Variants in ASCL5 observed in about 807,000 individuals in gnomAD.
ASCL5 encodes the protein achaete-scute homolog 5.
For missense variants in ASCL5, 262 were observed against 268.9 expected (o/e 0.97, Z 0.18); for synonymous variants, 124 against 131.5 (o/e 0.94, Z 0.39).
At chr1:201,125,283 C>T (rs1044445077) in intron 1 of ASCL5, among the ~76,000 whole-genome samples, 2 of 152,204 alleles carry the variant, frequency 1.3e-5, no homozygotes, top group Non-Finnish European at 2.9e-5. Flanking sequence ...CTCCCAGGCC[C>T]GGCATCTAGG....
chr1:201,123,064 T>C (rs1663513908), intron 1 of ASCL5, among the ~76,000 whole-genome samples: 1 of 152,194 alleles, frequency 6.6e-6, no homozygotes, highest in South Asian at 2.1e-4. Flanking sequence ...CCCTTGGATG[T>C]GGCTAAGAGA....
intron 1 of ASCL5, among the ~76,000 whole-genome samples, chr1:201,120,120 G>A (rs564107943): frequency 9.2e-5 from 14 of 152,310 alleles, no homozygotes; most frequent in African/African-American, 3.4e-4. Flanking sequence ...CAGTTAGTTT[G>A]TTTAGGGCCA....
chr1:201,117,904 T>A (rs1663377409), intron 1 of ASCL5, among the ~76,000 whole-genome samples: 1 of 152,224 alleles, frequency 6.6e-6, no homozygotes, highest in African/African-American at 2.4e-5. Flanking sequence ...TTCTCTTTTA[T>A]TGTACAAATT....
At chr1:201,120,073 T>G (rs999743533) in intron 1 of ASCL5, among the ~76,000 whole-genome samples, 3 of 152,204 alleles carry the variant, frequency 2.0e-5, no homozygotes, top group Non-Finnish European at 4.4e-5. Flanking sequence ...TACACTGAGC[T>G]GTTAGGCCTG....
At position 201,114,670 on chromosome 1, in the gene ASCL5, G is replaced by C; in HGVS notation, c.*82C>G. On this transcript the variant is annotated 3_prime_UTR_variant, in exon 2 of 2. Transcript: ENST00000449188. ...CACCGTCCTGCGGCGCATCGCGGGT[G>C]ACCCAACAGCCTCCCGCTGCTCCCG... is the stretch of plus-strand genomic sequence containing the variant. 1 of 1,174,026 alleles carries C rather than the reference G, an allele frequency of 8.5e-7. No individual in the cohort carries two copies. The highest frequency in any genetic ancestry group is 1.1e-6 in the Non-Finnish European group (1 of 937,384). The allele number at this position is 1,174,026 out of a possible 1,614,324, so 72.7% of individuals were successfully genotyped here.
Position 201,124,176 on chromosome 1 carries a change from G to C in ASCL5, c.-506+2908C>G, listed in dbSNP as rs1012127670. ...GACACAGTGAAGTCATGGTCAGAAT[G>C]AACCAGGCGGTTCTGCAGATGAAAT... is the stretch of plus-strand genomic sequence containing the variant. On this transcript the variant is annotated intron_variant, in intron 1 of 1. Transcript: ENST00000449188. Among the ~76,000 whole-genome samples the C allele has an allele frequency of 3.3e-5, 5 of 152,230 alleles. No homozygotes were observed. The East Asian group carries it at 9.6e-4, about 29-fold the overall frequency.
In ASCL5 at chr1:201,115,272, A is replaced by T. The variant is rs976237004; in HGVS notation, c.101T>A (p.Leu34Gln). The change falls in exon 2 of 2, where the codon CTG (leucine) becomes CAG (glutamine). Residue 34 changes from leucine to glutamine, a missense_variant. By Grantham distance (113) the Leu-to-Gln change is moderately radical. Transcript: ENST00000449188. ...GTTGCCCAGGGGCTCGGCGGGGGGC[A>T]GGGGCGCCTGCCGGGGAGGGGGCAT... The part of the protein sequence containing the change: ...GVMPPPRQAP[L>Q]PPAEPLGNVP... The T allele has an allele frequency of 9.3e-5, 110 of 1,181,408 alleles. No individual in the cohort carries two copies. In the Middle Eastern group the frequency reaches 1.0e-3, roughly 11 times the overall value. 73.2% of individuals were successfully genotyped at this position (1,181,408 alleles called of 1,614,324 possible). A position where few individuals can be genotyped will look rare whatever the true frequency, so the allele number is the denominator to read the frequency against.
chr1:201,122,372 T>C (rs1225507421), intron 1 of ASCL5, among the ~76,000 whole-genome samples: 1 of 152,148 alleles, frequency 6.6e-6, no homozygotes. Flanking sequence ...GCTGAGAGTC[T>C]TAAAGAAGAG....
chr1:201,116,352 G>C (rs986900326), intron 1 of ASCL5, among the ~76,000 whole-genome samples: 2 of 152,124 alleles, frequency 1.3e-5, no homozygotes, highest in African/African-American at 2.4e-5. Context: ...ATGCCTCTTT[G>C]ATAACAAGGT....
At chr1:201,116,767 C>A (rs1663356364) in intron 1 of ASCL5, among the ~76,000 whole-genome samples, 2 of 152,168 alleles carry the variant, frequency 1.3e-5, no homozygotes, top group South Asian at 4.2e-4. Context: ...CCTCTCTGAT[C>A]GCACTCCCCC....
intron 1 of ASCL5, among the ~76,000 whole-genome samples, chr1:201,122,433 T>G (rs1663501535): frequency 6.6e-6 from 1 of 152,162 alleles, no homozygotes; most frequent in Non-Finnish European, 1.5e-5. Context: ...CCTCTGATGC[T>G]TGGTGCTTTG....
chr1:201,118,604 G>T (rs1663393768), intron 1 of ASCL5, among the ~76,000 whole-genome samples: 1 of 152,174 alleles, frequency 6.6e-6, no homozygotes, highest in Non-Finnish European at 1.5e-5. Context: ...GAGGAACACA[G>T]TGTAGCATAT....
At position 201,114,498 on chromosome 1, in the gene ASCL5, G is replaced by A. The variant is rs1186641095; in HGVS notation, c.*254C>T. On this transcript the variant is annotated 3_prime_UTR_variant, in exon 2 of 2. Coordinates refer to ENST00000449188, the MANE Select transcript of ASCL5 (RefSeq NM_001270601.2). ...CCGGAGGGGACGCAGGACGCCCGGA[G>A]CAGTCCCAGGCCCTGCCCCTCGCTT... is the stretch of plus-strand genomic sequence containing the variant. 5 of 332,330 alleles carry A rather than the reference G, an allele frequency of 1.5e-5. No homozygotes were observed. The highest frequency in any genetic ancestry group is 1.1e-4 in the African/African-American group (5 of 46,750). 20.6% of individuals were successfully genotyped at this position (332,330 alleles called of 1,614,324 possible).
intron 1 of ASCL5, among the ~76,000 whole-genome samples, chr1:201,122,844 GGC>G (rs1663510727): frequency 6.6e-6 from 1 of 152,148 alleles, no homozygotes. Flanking sequence ...TGCTCTTACT[GGC>G]TAAGTAGCTT....
At position 201,115,251 on chromosome 1, in the gene ASCL5, C is replaced by T; in HGVS notation, c.122G>A (p.Gly41Asp). Residue 41 changes from glycine (G) to aspartate (D), a missense_variant, in exon 2 of 2, where the codon GGC (glycine) becomes GAC (aspartate). Coordinates refer to ENST00000449188, the MANE Select transcript of ASCL5 (RefSeq NM_001270601.2). ...QAPLPPAEPL[G>D]NVPFLLYPGP... ...CGGGTACAGCAGGAAGGGCACGTTG[C>T]CCAGGGGCTCGGCGGGGGGCAGGGG... 2 of 1,231,428 alleles carry T rather than the reference C, an allele frequency of 1.6e-6. No homozygotes were observed. Among genetic ancestry groups the T allele is most frequent in the Non-Finnish European group, 2.0e-6 (2 of 987,840 alleles). The allele number at this position is 1,231,428 out of a possible 1,614,324, so 76.3% of individuals were successfully genotyped here.
At chr1:201,126,875 G>A (rs1009707881) in intron 1 of ASCL5, among the ~76,000 whole-genome samples, 7 of 152,210 alleles carry the variant, frequency 4.6e-5, no homozygotes, top group African/African-American at 1.4e-4. Context: ...AGCTGATCTC[G>A]CCTTCTCCCA....
At chr1:201,118,699 A>T (rs1049360077) in intron 1 of ASCL5, among the ~76,000 whole-genome samples, 9 of 152,200 alleles carry the variant, frequency 5.9e-5, no homozygotes, top group African/African-American at 2.2e-4. Context: ...ACTAGGATAG[A>T]ACAGCAAACA....
At chr1:201,117,093 A>G (rs1438090692) in intron 1 of ASCL5, among the ~76,000 whole-genome samples, 3 of 152,224 alleles carry the variant, frequency 2.0e-5, no homozygotes, top group Admixed American at 6.5e-5. Context: ...GAGGACCAAG[A>G]AAAATCAACA....
At chr1:201,125,178 C>T (rs897439440) in intron 1 of ASCL5, among the ~76,000 whole-genome samples, 1 of 152,190 alleles carries the variant, frequency 6.6e-6, no homozygotes, top group African/African-American at 2.4e-5. Flanking sequence ...GCACTCACTT[C>T]CTAAGGTTAC....
Sources: allele counts gnomAD v4.1 joint callset (sites outside exome capture counted in the v4.1 genomes callset), GRCh38; gene constraint gnomAD v4.1.1; transcripts MANE v1.5; gene names NCBI Gene and HGNC (gene_info 2026-07-23, HGNC 2026-07-21).